HDAC8: variants seen among roughly 807,000 people sequenced by gnomAD.
The protein encoded by HDAC8 is histone deacetylase 8.
In HDAC8, 1 loss-of-function variant was observed where a neutral mutation model predicts 32.2. The observed-to-expected ratio is 0.03, with a 90% CI of 0.01 to 0.15. The LOEUF is 0.15. Ranked by LOEUF, HDAC8 falls within the 10% of genes least tolerant of loss-of-function variation. HDAC8 has a pLI of 1.00. For synonymous variants in HDAC8, 108 were observed against 113.9 expected, an observed-to-expected ratio of 0.95 and a Z score of 0.33; for missense variants, 117 against 300.0, an observed-to-expected ratio of 0.39 and a Z score of 4.51.
chrX:72,449,488 G>A (rs1166726376), intron 9 of HDAC8, among the ~76,000 whole-genome samples: 1 of 110,246 alleles, frequency 9.1e-6, no homozygotes, highest in Non-Finnish European at 1.9e-5. Flanking sequence ...ATGATGAGTT[G>A]ATGGGTGCGG....
chrX:72,365,973 A>T (rs1231483300), intron 9 of HDAC8, among the ~76,000 whole-genome samples: 2 of 112,568 alleles, frequency 1.8e-5, no homozygotes, highest in Non-Finnish European at 3.8e-5. Context: ...GGCTCTGGTC[A>T]TGAAGAGATG....
At chrX:72,409,347 C>T (rs782470714) in intron 9 of HDAC8, among the ~76,000 whole-genome samples, 12 of 111,793 alleles carry the variant, frequency 1.1e-4, no homozygotes, top group Non-Finnish European at 2.3e-4. Context: ...ATCCTACAAC[C>T]TGTCTACCAA....
At chrX:72,448,231 A>G (rs1276096270) in intron 9 of HDAC8, among the ~76,000 whole-genome samples, 2 of 111,988 alleles carry the variant, frequency 1.8e-5, no homozygotes, top group Non-Finnish European at 3.8e-5. Context: ...TGGTACCAAA[A>G]CAGATATACA....
At chrX:72,457,158 C>G (rs1363748959) in intron 9 of HDAC8, among the ~76,000 whole-genome samples, 4 of 110,909 alleles carry the variant, frequency 3.6e-5, no homozygotes, top group Non-Finnish European at 7.6e-5. Flanking sequence ...AAAATCAGTA[C>G]TCATTTGTGA....
Position 72,360,633 on chromosome X carries a change from A to G in HDAC8, c.1006-8795T>C, listed in dbSNP as rs138275665. On this transcript the variant is annotated intron_variant, in intron 9 of 10. Coordinates refer to ENST00000373573, the MANE Select transcript of HDAC8 (RefSeq NM_018486.3). ...AATCACTGTTTGAAAAGAACTCATC[A>G]TGACCAGAATAACACGGCACCAGCA... Among the ~76,000 whole-genome samples, 488 of 111,587 alleles carry G rather than the reference A, an allele frequency of 4.4e-3. 7 individuals carry two copies. The highest frequency in any genetic ancestry group is 0.014 in the African/African-American group (431 of 30,689).
intron 9 of HDAC8, among the ~76,000 whole-genome samples, chrX:72,445,195 A>T (rs1190530113): frequency 9.1e-6 from 1 of 110,409 alleles, no homozygotes; most frequent in Non-Finnish European, 1.9e-5. Context: ...TAAAGTTCAT[A>T]TGGAACCAAA....
At chrX:72,475,722 G>A (rs1445827418) in intron 7 of HDAC8, among the ~76,000 whole-genome samples, 1 of 110,367 alleles carries the variant, frequency 9.1e-6, no homozygotes, top group African/African-American at 3.3e-5. Context: ...TCTGCTTTTA[G>A]CATCAAACAA....
chrX:72,412,214 T>C (rs782316849), intron 9 of HDAC8, among the ~76,000 whole-genome samples: 1 of 111,731 alleles, frequency 9.0e-6, no homozygotes, highest in South Asian at 3.8e-4. Flanking sequence ...TTAAAGACGA[T>C]TTTTGAGGTA....
At chrX:72,375,224 GATA>G (rs2147807069) in intron 9 of HDAC8, among the ~76,000 whole-genome samples, 1 of 111,610 alleles carries the variant, frequency 9.0e-6, no homozygotes, top group Admixed American at 9.5e-5. Flanking sequence ...GAACAAATAG[GATA>G]TCTCTCTCTC....
At chrX:72,388,595 T>TACACACACACACACACAC (rs59374504) in intron 9 of HDAC8, among the ~76,000 whole-genome samples, 13 of 88,398 alleles carry the variant, frequency 1.5e-4, no homozygotes, top group African/African-American at 4.8e-4. Context: ...CCACAGTGAT[T>TACACACACACACACACAC]ACACACACAC....
chrX:72,360,269 C>T (rs891077451), intron 9 of HDAC8, among the ~76,000 whole-genome samples: 1 of 106,247 alleles, frequency 9.4e-6, no homozygotes, highest in Admixed American at 1.0e-4. Context: ...GCAGGAGAAT[C>T]TCTTGAACCC....
chrX:72,371,932 A>C (rs1602610659), intron 9 of HDAC8, among the ~76,000 whole-genome samples: 1 of 111,092 alleles, frequency 9.0e-6, no homozygotes, highest in Non-Finnish European at 1.9e-5. Context: ...GATGGTGATA[A>C]GTGCTGCAGA....
chrX:72,450,546 C>T lies in HDAC8; in HGVS notation c.1005+11458G>A, dbSNP rs536167031. On this transcript the variant is annotated intron_variant, in intron 9 of 10. Transcript: ENST00000373573. ...GAGTACATGGTACCTCTTTGTAGTA[C>T]CTTTACAATGGTCTGTGAATCTATA... Among the ~76,000 whole-genome samples the T allele has an allele frequency of 4.5e-5, 5 of 110,773 alleles. No individual in the cohort carries two copies. The South Asian group carries it at 1.9e-3, about 42-fold the overall frequency.
intron 9 of HDAC8, among the ~76,000 whole-genome samples, chrX:72,414,896 C>T (rs1474737025): frequency 8.9e-6 from 1 of 111,874 alleles, no homozygotes; most frequent in Non-Finnish European, 1.9e-5. Flanking sequence ...CCATGTTTAT[C>T]AAGTAACTTT....
chrX:72,446,049 G>A (rs1442731608), intron 9 of HDAC8, among the ~76,000 whole-genome samples: 2 of 112,156 alleles, frequency 1.8e-5, no homozygotes, highest in East Asian at 2.8e-4. Context: ...GTGCTGGAGA[G>A]GATGTGGAGA....
chrX:72,415,803 A>G (rs1164651747), intron 9 of HDAC8, among the ~76,000 whole-genome samples: 1 of 111,973 alleles, frequency 8.9e-6, no homozygotes, highest in Non-Finnish European at 1.9e-5. Flanking sequence ...TGTGACCTGC[A>G]ACCTTGCTGA....
intron 4 of HDAC8, among the ~76,000 whole-genome samples, chrX:72,528,606 G>T (rs1217931999): frequency 9.0e-6 from 1 of 111,164 alleles, no homozygotes; most frequent in Non-Finnish European, 1.9e-5. Flanking sequence ...TGGGGTAATG[G>T]CTGGGGGTCA....
intron 6 of HDAC8, chrX:72,489,312 C>T (rs1556007786): frequency 2.4e-6 from 1 of 415,229 alleles, no homozygotes; most frequent in Non-Finnish European, 4.4e-6. Flanking sequence ...CAATTTATCA[C>T]TGCAATTATT....
intron 9 of HDAC8, among the ~76,000 whole-genome samples, chrX:72,448,518 G>A (rs1267262520): frequency 8.9e-6 from 1 of 111,941 alleles, no homozygotes; most frequent in Non-Finnish European, 1.9e-5. Flanking sequence ...CAGGACATAG[G>A]CATGGGCAAA....
Sources: allele counts gnomAD v4.1 joint callset (sites outside exome capture counted in the v4.1 genomes callset), GRCh38; gene constraint gnomAD v4.1.1; transcripts MANE v1.5; gene names NCBI Gene and HGNC (gene_info 2026-07-23, HGNC 2026-07-21).